The following XRRA1 variants were observed in gnomAD, a reference collection of about 807,000 sequenced individuals.
XRRA1 encodes the protein X-ray radiation resistance-associated protein 1.
A neutral mutation model predicts 80.2 loss-of-function variants in XRRA1; 69 were observed. That is an observed-to-expected ratio of 0.86 (90% CI 0.71 to 1.05). The LOEUF (loss-of-function observed/expected upper bound fraction) is 1.05, where lower values mean the gene tolerates loss of function less well. Among genes scored for constraint, XRRA1 ranks in the 50% least tolerant of loss-of-function variants. The probability of loss-of-function intolerance (pLI) is 0.00; values close to 1 mark genes in which losing one functional copy is unlikely to be tolerated. For synonymous variants in XRRA1, 348 were observed against 389.9 expected, an observed-to-expected ratio of 0.89 and a Z score of 1.27; for missense variants, 967 against 976.4, an observed-to-expected ratio of 0.99 and a Z score of 0.13.
intron 14 of XRRA1, among the ~76,000 whole-genome samples, chr11:74,850,007 A>G (rs2039356209): frequency 6.6e-6 from 1 of 152,228 alleles, no homozygotes. Context: ...CACGTTCTTC[A>G]GTCCAGAATA....
intron 7 of XRRA1, 107 bp from the exon 8 acceptor site, chr11:74,921,454 A>G (rs1018823758): frequency 1.4e-6 from 2 of 1,406,244 alleles, no homozygotes; most frequent in South Asian, 1.3e-5. Context: ...CCCACAGGAC[A>G]AAACCCTCCT....
Position 74,888,614 on chromosome 11 carries a change from T to C in XRRA1, c.1003+17625A>G, listed in dbSNP as rs186012051. Among the ~76,000 whole-genome samples, 250 of 152,278 alleles carry C rather than the reference T, an allele frequency of 1.6e-3. 1 individual carries two copies. The highest frequency in any genetic ancestry group is 3.7e-4 in the Non-Finnish European group (25 of 68,016). The stretch of plus-strand genomic sequence containing the variant: ...AGAAGAAGGCTTCGGACGATCGAAC[T>C]ACTCCAAGCTAAAGGAGGAAGTTCG... On this transcript the variant is annotated intron_variant, in intron 10 of 18. Transcript: ENST00000684022.
chr11:74,872,793 TGAAGGAAG>T (rs890219334), intron 10 of XRRA1, among the ~76,000 whole-genome samples: 2 of 152,108 alleles, frequency 1.3e-5, no homozygotes, highest in South Asian at 4.1e-4. Context: ...TTCTGAAAAT[TGAAGGAAG>T]GAAGGAAGGT....
chr11:74,935,975 T>C (rs1265348359), intron 4 of XRRA1, among the ~76,000 whole-genome samples: 1 of 152,206 alleles, frequency 6.6e-6, no homozygotes, highest in African/African-American at 2.4e-5. Context: ...GTGGACCTAA[T>C]AATGAAACTG....
At chr11:74,893,779 G>A (rs993257359) in intron 10 of XRRA1, among the ~76,000 whole-genome samples, 2 of 152,140 alleles carry the variant, frequency 1.3e-5, no homozygotes, top group African/African-American at 4.8e-5. Flanking sequence ...TAAAGGGAAG[G>A]CTTATACACT....
At chr11:74,890,650 C>T (rs576198934) in intron 10 of XRRA1, among the ~76,000 whole-genome samples, 1,970 of 150,752 alleles carry the variant, frequency 0.013, 48 homozygotes, top group African/African-American at 0.045. Flanking sequence ...ATTGATAGAC[C>T]GCTAGCAAGA....
At chr11:74,927,255 A>G in intron 7 of XRRA1, 136 bp downstream of exon 7, 1 of 110,938 alleles carries the variant, frequency 9.0e-6, no homozygotes, top group South Asian at 3.0e-4. Flanking sequence ...CCCTCCCTGG[A>G]GGCCAGCAAT....
At chr11:74,881,986 T>G (rs2136749228) in intron 10 of XRRA1, among the ~76,000 whole-genome samples, 1 of 146,614 alleles carries the variant, frequency 6.8e-6, no homozygotes, top group Non-Finnish European at 1.5e-5. Context: ...ATTATGTGTC[T>G]TGGAGTTGCT....
Position 74,906,276 on chromosome 11 carries a change from A to G in XRRA1, c.966T>C (p.Tyr322=), listed in dbSNP as rs1565374579. ...MLEDSDEQLD[Y]TVLPMKKDVD... Reference sequence around the variant, plus strand: ...CATCCTTTTTCATGGGCAGTACAGTATAATCCAGTTGCTCATCTGAGTCCT... The same window carrying G: ...CATCCTTTTTCATGGGCAGTACAGTGTAATCCAGTTGCTCATCTGAGTCCT... Residue 322 remains tyrosine, a synonymous_variant, in exon 10 of 19, where the codon TAT becomes TAC. Coordinates refer to ENST00000684022, the MANE Select transcript of XRRA1 (RefSeq NM_001378157.1). 5.6e-6 allele frequency: 9 copies of G among 1,613,960 alleles called. No homozygotes were observed. Among genetic ancestry groups the G allele is most frequent in the Non-Finnish European group, 7.6e-6 (9 of 1,179,888 alleles).
At chr11:74,870,676 C>T (rs2044581578) in intron 10 of XRRA1, among the ~76,000 whole-genome samples, 1 of 152,166 alleles carries the variant, frequency 6.6e-6, no homozygotes, top group South Asian at 2.1e-4. Flanking sequence ...TACAGCACCA[C>T]CTAGTGGAAT....
intron 5 of XRRA1, among the ~76,000 whole-genome samples, 156 bp from the exon 6 acceptor site, chr11:74,930,528 G>T (rs1044141695): frequency 6.6e-6 from 1 of 152,176 alleles, no homozygotes; most frequent in African/African-American, 2.4e-5. Context: ...AGTGCTGTAA[G>T]GGTTTTCCTG....
rs542988139 is a variant in XRRA1 at position 74,892,684 on chromosome 11, A to G, written c.1003+13555T>C. ...GACAAAGGGCTAATATCCAGAATCTACAATGAACTCAAACAAATTTACAAG... is the reference window on the plus strand; with the variant it reads ...GACAAAGGGCTAATATCCAGAATCTGCAATGAACTCAAACAAATTTACAAG... On this transcript the variant is annotated intron_variant, in intron 10 of 18. Coordinates refer to ENST00000684022, the MANE Select transcript of XRRA1 (RefSeq NM_001378157.1). Among the ~76,000 whole-genome samples the G allele has an allele frequency of 7.9e-5, 12 of 152,322 alleles. No homozygotes were observed. The South Asian group carries it at 2.5e-3, about 32-fold the overall frequency.
intron 10 of XRRA1, among the ~76,000 whole-genome samples, chr11:74,903,874 A>T (rs2068852434): frequency 6.6e-6 from 1 of 152,206 alleles, no homozygotes; most frequent in Non-Finnish European, 1.5e-5. Context: ...TACAAAGATA[A>T]ATACATATAT....
chr11:74,848,877 T>C (rs1421192428), intron 14 of XRRA1, among the ~76,000 whole-genome samples: 1 of 152,188 alleles, frequency 6.6e-6, no homozygotes, highest in African/African-American at 2.4e-5. Flanking sequence ...ATGGTGCCTA[T>C]GGCTTTCCCC....
At chr11:74,940,269 T>C (rs565215145) in intron 3 of XRRA1, among the ~76,000 whole-genome samples, 2 of 152,274 alleles carry the variant, frequency 1.3e-5, no homozygotes, top group East Asian at 3.9e-4. Flanking sequence ...CCATTTTATT[T>C]AGGAGTTTGG....
At chr11:74,893,064 C>T (rs1246053930) in intron 10 of XRRA1, among the ~76,000 whole-genome samples, 1 of 152,052 alleles carries the variant, frequency 6.6e-6, no homozygotes, top group East Asian at 1.9e-4. Flanking sequence ...GGGTATATAC[C>T]CAAAGGATTA....
intron 8 of XRRA1, among the ~76,000 whole-genome samples, chr11:74,920,939 A>T (rs1306548822): frequency 6.6e-6 from 1 of 152,190 alleles, no homozygotes; most frequent in Admixed American, 6.5e-5. Flanking sequence ...GAGCTGACAC[A>T]GGGGGCTCAT....
chr11:74,850,188 T>C lies in XRRA1; in HGVS notation c.1380+900A>G, dbSNP rs1023380895. 7.2e-5 allele frequency among the ~76,000 whole-genome samples: 11 copies of C among 152,344 alleles called. 1 individual carries two copies. Among genetic ancestry groups the C allele is most frequent in the African/African-American group, 2.6e-4 (11 of 41,584 alleles). On this transcript the variant is annotated intron_variant, in intron 14 of 18. Transcript: ENST00000684022. ...CTTTTAACAAGTCAGTTCACCTCTC[T>C]GAGTCTGTTGCTTCATCTACTGTGA... is the stretch of plus-strand genomic sequence containing the variant.
intron 10 of XRRA1, among the ~76,000 whole-genome samples, chr11:74,884,970 A>T (rs1565320150): frequency 6.6e-6 from 1 of 152,200 alleles, no homozygotes; most frequent in Non-Finnish European, 1.5e-5. Context: ...AAAACTATTC[A>T]AAAGATCCAC....
Sources: gnomAD v4.1 joint callset for allele counts (sites outside exome capture counted in the v4.1 genomes callset) on GRCh38, gnomAD v4.1.1 for gene constraint, MANE v1.5 for transcripts, NCBI Gene and HGNC (gene_info 2026-07-23, HGNC 2026-07-21) for gene names.